The following MTRR variants were observed in gnomAD, a reference collection of about 807,000 sequenced individuals.
MTRR encodes 5-methyltetrahydrofolate-homocysteine methyltransferase reductase.
MTRR carries 63 observed loss-of-function variants against 79.2 expected under a neutral mutation model. That is an observed-to-expected ratio of 0.80 (90% CI 0.65 to 0.98). The LOEUF (loss-of-function observed/expected upper bound fraction) is 0.98. Among genes scored for constraint, MTRR ranks in the 50% least tolerant of loss-of-function variants. The pLI, the probability that MTRR is intolerant of heterozygous loss-of-function variation, is 0.00. For missense variants in MTRR, 895 were observed against 839.6 expected, an observed-to-expected ratio of 1.07 and a Z score of -0.82; for synonymous variants, 355 against 313.3, an observed-to-expected ratio of 1.13 and a Z score of -1.41.
chr5:7,867,088 C>G, upstream of MTRR: 1 of 1,614,170 alleles, frequency 6.2e-7, no homozygotes. Context: ...TCCTAAGCTC[C>G]TCGTTAGTGA....
chr5:7,883,469 CATAT>C (rs1735912305), intron 6 of MTRR, among the ~76,000 whole-genome samples, 192 bp downstream of exon 6: 1 of 125,754 alleles, frequency 8.0e-6, no homozygotes, highest in African/African-American at 2.9e-5. Flanking sequence ...TGCTTGGTTA[CATAT>C]GCTGAGTTGT....
At chr5:7,884,865 A>G (rs1238503506) in intron 6 of MTRR, among the ~76,000 whole-genome samples, 2 of 151,946 alleles carry the variant, frequency 1.3e-5, no homozygotes, top group African/African-American at 4.8e-5. Flanking sequence ...GATTTAATCA[A>G]ACTTCCTAAC....
chr5:7,888,988 T>A, intron 8 of MTRR, 107 bp from the exon 9 acceptor site: 1 of 1,343,670 alleles, frequency 7.4e-7, no homozygotes, highest in Non-Finnish European at 1.0e-6. Flanking sequence ...GGCTTTCTCA[T>A]TTTTTCTTGG....
In MTRR at chr5:7,870,899, T is replaced by A. The variant is rs2126645427; in HGVS notation, c.105T>A (p.Leu35=). The change falls in exon 2 of 15, where the codon CTT becomes CTA. Residue 35 remains leucine, a synonymous_variant. Transcript: ENST00000440940. Reference sequence around the variant, plus strand: ...TGGTACATGGATTTTCTGCAGATCTTCACTGTATTAGTGAATCCGATAAGG... The same window carrying A: ...TGGTACATGGATTTTCTGCAGATCTACACTGTATTAGTGAATCCGATAAGG... ...QAVVHGFSAD[L]HCISESDKYD... is the part of the protein sequence containing the mutation. 6.2e-7 allele frequency: 1 copy of A among 1,614,148 alleles called. No homozygotes were observed. The highest frequency in any genetic ancestry group is 8.5e-7 in the Non-Finnish European group (1 of 1,180,008).
At chr5:7,855,217 A>G (rs1746204837) in intron 1 of MTRR, among the ~76,000 whole-genome samples, 2 of 152,216 alleles carry the variant, frequency 1.3e-5, no homozygotes, top group South Asian at 4.1e-4. Flanking sequence ...CAGTTAAAAA[A>G]TATTTTTGAG....
At chr5:7,867,009 C>T (rs377498257), upstream of MTRR, 9 of 1,614,124 alleles carry the variant, frequency 5.6e-6, no homozygotes, top group African/African-American at 1.2e-4. Context: ...ACCGCAGCTA[C>T]ACGATGCTCT....
intron 11 of MTRR, 79 bp downstream of exon 11, chr5:7,892,992 C>T (rs1737885114): frequency 2.1e-6 from 3 of 1,457,620 alleles, no homozygotes; most frequent in African/African-American, 2.8e-5. Flanking sequence ...TTGTCTCACC[C>T]ACATCATTCA....
chr5:7,868,782 C>A (rs983615522), upstream of MTRR, among the ~76,000 whole-genome samples: 2 of 152,198 alleles, frequency 1.3e-5, no homozygotes, highest in African/African-American at 4.8e-5. Context: ...CACGTGTGTG[C>A]AAGACAGACA....
At chr5:7,873,865 C>T (rs948188046) in intron 3 of MTRR, among the ~76,000 whole-genome samples, 15 of 152,118 alleles carry the variant, frequency 9.9e-5, no homozygotes, top group African/African-American at 3.6e-4. Context: ...TGCCATTCCT[C>T]CATTTAGAAA....
At chr5:7,886,155 C>A (rs1243082746) in intron 7 of MTRR, among the ~76,000 whole-genome samples, 1 of 152,010 alleles carries the variant, frequency 6.6e-6, no homozygotes, top group Non-Finnish European at 1.5e-5. Context: ...TTTAAAAATT[C>A]TTTTCCTATT....
At chr5:7,862,479 A>G (rs566753352) in intron 2 of MTRR, among the ~76,000 whole-genome samples, 1 of 152,336 alleles carries the variant, frequency 6.6e-6, no homozygotes, top group South Asian at 2.1e-4. Context: ...TTATAGTAGT[A>G]GCTAACAATT....
At chr5:7,896,455 T>C in intron 12 of MTRR, 1 of 228,960 alleles carries the variant, frequency 4.4e-6, no homozygotes, top group Non-Finnish European at 8.6e-6. Context: ...TAATCACAGA[T>C]GTCTCTGTCT....
intron 2 of MTRR, chr5:7,862,990 TTTGGACC>T: frequency 1.2e-6 from 2 of 1,612,622 alleles, no homozygotes; most frequent in Non-Finnish European, 1.7e-6. Flanking sequence ...AGGAAGGAGT[TTTGGACC>T]CTAAAAAATC....
intron 1 of MTRR, chr5:7,870,165 ATGCCCAT>A: frequency 7.6e-6 from 5 of 654,870 alleles, no homozygotes; most frequent in Non-Finnish European, 9.5e-6. Flanking sequence ...GTTTGTATAT[ATGCCCAT>A]ACACTCACAT....
chr5:7,853,443 A>G (rs559259157), intron 1 of MTRR, among the ~76,000 whole-genome samples: 2 of 152,366 alleles, frequency 1.3e-5, no homozygotes, highest in South Asian at 4.1e-4. Context: ...CAGCATGAGA[A>G]CAAACTTATA....
chr5:7,859,411 T>G, intron 1 of MTRR: 2 of 1,445,992 alleles, frequency 1.4e-6, no homozygotes, highest in Non-Finnish European at 9.5e-7. Context: ...AGTTCTTCCA[T>G]TGTTTGAGTT....
intron 1 of MTRR, 24 bp from the exon 2 acceptor site, chr5:7,870,746 G>C: frequency 6.2e-7 from 1 of 1,612,772 alleles, no homozygotes; most frequent in South Asian, 1.1e-5. Context: ...TTAAAAAGAG[G>C]ATCTTTTTTC....
chr5:7,854,502 C>A (rs1015196638), intron 1 of MTRR, among the ~76,000 whole-genome samples: 1 of 152,130 alleles, frequency 6.6e-6, no homozygotes, highest in African/African-American at 2.4e-5. Context: ...CTTAGAGTTC[C>A]ACATGGCTAG....
At chr5:7,861,758 TC>T in intron 1 of MTRR, 1 of 1,483,888 alleles carries the variant, frequency 6.7e-7, no homozygotes. Context: ...CTTGCATTGA[TC>T]AATTGGACTG....
Sources: allele counts gnomAD v4.1 joint callset (sites outside exome capture counted in the v4.1 genomes callset), GRCh38; gene constraint gnomAD v4.1.1; transcripts MANE v1.5; gene names NCBI Gene and HGNC (gene_info 2026-07-23, HGNC 2026-07-21).